Variants in FHOD3 observed in about 807,000 individuals in gnomAD.
FHOD3 encodes FH1/FH2 domain-containing protein 3.
A neutral mutation model predicts 173.0 loss-of-function variants in FHOD3; 90 were observed. That is an observed-to-expected ratio of 0.52 (90% CI 0.44 to 0.62). The LOEUF is 0.62. FHOD3 is among the 20% of genes least tolerant of loss of function. The pLI is 0.00. For synonymous variants in FHOD3, 828 were observed against 823.0 expected (o/e 1.01, Z -0.10); for missense variants, 1,945 against 2,034.7 (o/e 0.96, Z 0.85).
intron 14 of FHOD3, among the ~76,000 whole-genome samples, chr18:36,673,124 T>A (rs915189802): frequency 1.3e-5 from 2 of 152,168 alleles, no homozygotes; most frequent in African/African-American, 4.8e-5. Flanking sequence ...ATCATCTGTC[T>A]GTGTTGTCTT....
chr18:36,600,732 C>G (rs1043362507), intron 7 of FHOD3, among the ~76,000 whole-genome samples: 14 of 152,228 alleles, frequency 9.2e-5, no homozygotes, highest in Admixed American at 2.0e-4. Flanking sequence ...TTCCCTCTCT[C>G]TCTGGGCTGC....
chr18:36,444,978 A>T (rs1341816633), intron 3 of FHOD3, among the ~76,000 whole-genome samples: 1 of 152,240 alleles, frequency 6.6e-6, no homozygotes, highest in Admixed American at 6.5e-5. Context: ...AAGATAAGTC[A>T]AAAGATAAAG....
chr18:36,370,655 C>G (rs568465027), intron 2 of FHOD3, among the ~76,000 whole-genome samples: 1 of 152,332 alleles, frequency 6.6e-6, no homozygotes, highest in Non-Finnish European at 1.5e-5. Context: ...CTGGCCAGCT[C>G]ATGCTTTTTC....
chr18:36,684,452 G>C (rs771662625), intron 15 of FHOD3, among the ~76,000 whole-genome samples: 24 of 151,944 alleles, frequency 1.6e-4, no homozygotes, highest in Non-Finnish European at 2.4e-4. Flanking sequence ...GCTTTAGGAA[G>C]TAAGGGCAAA....
chr18:36,775,218 A>G (rs900751399), intron 28 of FHOD3, among the ~76,000 whole-genome samples: 12 of 152,278 alleles, frequency 7.9e-5, no homozygotes, highest in Admixed American at 2.6e-4. Flanking sequence ...GGATTAAAAA[A>G]CCAAAAAACG....
At position 36,369,498 on chromosome 18, in the gene FHOD3, C is replaced by CACAT. The variant is rs1555682884; in HGVS notation, c.273-3181_273-3180insCATA. Among the ~76,000 whole-genome samples the CACAT allele has an allele frequency of 7.2e-3, 693 of 95,718 alleles. 3 individuals are homozygous for CACAT. The highest frequency in any genetic ancestry group is 0.011 in the Middle Eastern group (2 of 190). 62.8% of individuals were successfully genotyped at this position (95,718 alleles called of 152,430 possible). A position where few individuals can be genotyped will look rare whatever the true frequency, so the allele number is the denominator to read the frequency against. ...ACACACACACACACACACACACACA[C>CACAT]ATATATATAGAGAGAGAGAGAGAGA... On this transcript the variant is annotated intron_variant, in intron 2 of 28. Transcript: ENST00000590592.
At chr18:36,470,109 G>A (rs1238473495) in intron 3 of FHOD3, among the ~76,000 whole-genome samples, 4 of 152,194 alleles carry the variant, frequency 2.6e-5, no homozygotes, top group African/African-American at 9.7e-5. Context: ...GCAGGCAGGG[G>A]CCATGCCTGG....
chr18:36,776,701 G>T (rs1245532356), intron 28 of FHOD3, among the ~76,000 whole-genome samples: 1 of 152,124 alleles, frequency 6.6e-6, no homozygotes, highest in Non-Finnish European at 1.5e-5. Context: ...AGCCTATGTT[G>T]GCTTTTCCCT....
intron 3 of FHOD3, among the ~76,000 whole-genome samples, chr18:36,462,749 T>G (rs2052632549): frequency 1.3e-5 from 2 of 152,224 alleles, no homozygotes; most frequent in South Asian, 4.1e-4. Context: ...CTCAACCACC[T>G]GTGTAGCTAG....
At chr18:36,469,612 A>G (rs1473519840) in intron 3 of FHOD3, among the ~76,000 whole-genome samples, 4 of 152,230 alleles carry the variant, frequency 2.6e-5, no homozygotes, top group Admixed American at 6.5e-5. Flanking sequence ...GACATCAGCT[A>G]TCACTCGACC....
At chr18:36,300,699 C>T (rs2091937430) in intron 1 of FHOD3, among the ~76,000 whole-genome samples, 1 of 152,004 alleles carries the variant, frequency 6.6e-6, no homozygotes, top group Non-Finnish European at 1.5e-5. Context: ...GCTCTCAGCT[C>T]TCCTGCACAT....
At chr18:36,671,906 T>C (rs150373099) in intron 14 of FHOD3, among the ~76,000 whole-genome samples, 121 of 152,304 alleles carry the variant, frequency 7.9e-4, no homozygotes, top group African/African-American at 2.6e-3. Flanking sequence ...CAATCATTTG[T>C]GACGATGTGC....
At chr18:36,675,164 A>C (rs752232896) in intron 14 of FHOD3, among the ~76,000 whole-genome samples, 1 of 151,816 alleles carries the variant, frequency 6.6e-6, no homozygotes, top group African/African-American at 2.4e-5. Flanking sequence ...TCATGTCCCC[A>C]CCCTCCATGG....
chr18:36,522,065 G>A (rs779024772), intron 5 of FHOD3, among the ~76,000 whole-genome samples: 6 of 152,130 alleles, frequency 3.9e-5, no homozygotes, highest in Non-Finnish European at 8.8e-5. Context: ...CCCTGGTCTT[G>A]ACTCACTGAT....
chr18:36,668,409 C>G (rs116675144), intron 14 of FHOD3, among the ~76,000 whole-genome samples: 73 of 152,056 alleles, frequency 4.8e-4, no homozygotes, highest in African/African-American at 1.7e-3. Context: ...TCTTCTCTCT[C>G]TTCTTTCCAA....
At chr18:36,726,150 A>G (rs1049256473) in intron 19 of FHOD3, among the ~76,000 whole-genome samples, 1 of 150,484 alleles carries the variant, frequency 6.6e-6, no homozygotes, top group African/African-American at 2.4e-5. Flanking sequence ...TATTTTATAT[A>G]TGTAAATATA....
At chr18:36,776,648 A>C (rs2043675964) in intron 28 of FHOD3, among the ~76,000 whole-genome samples, 1 of 152,210 alleles carries the variant, frequency 6.6e-6, no homozygotes, top group African/African-American at 2.4e-5. Flanking sequence ...TTTTCCATGA[A>C]TACTCGCTTT....
intron 5 of FHOD3, among the ~76,000 whole-genome samples, chr18:36,571,881 A>G (rs748076389): frequency 6.6e-6 from 1 of 152,252 alleles, no homozygotes; most frequent in Admixed American, 6.5e-5. Context: ...GAGAAACTAC[A>G]TATTTTTAGA....
intron 21 of FHOD3, 93 bp downstream of exon 21, chr18:36,740,931 A>G (rs1238843115): frequency 1.4e-5 from 18 of 1,242,394 alleles, no homozygotes; most frequent in Non-Finnish European, 2.0e-5. Flanking sequence ...GTGAAATATC[A>G]TTCTTGGCAT....
Sources: allele counts gnomAD v4.1 joint callset (sites outside exome capture counted in the v4.1 genomes callset), GRCh38; gene constraint gnomAD v4.1.1; transcripts MANE v1.5; gene names NCBI Gene and HGNC (gene_info 2026-07-23, HGNC 2026-07-21).